The following NRXN1 variants were observed in gnomAD, a reference collection of about 807,000 sequenced individuals.
NRXN1 encodes neurexin-1.
NRXN1 carries 39 observed loss-of-function variants against 150.9 expected under a neutral mutation model. The ratio of observed to expected loss-of-function variants is 0.26; its 90% CI spans 0.20 to 0.34. The LOEUF (loss-of-function observed/expected upper bound fraction) is 0.34. NRXN1 is among the 10% of genes least tolerant of loss of function. The pLI, the probability that NRXN1 is intolerant of heterozygous loss-of-function variation, is 1.00. For synonymous variants in NRXN1, 924 were observed against 757.0 expected (o/e 1.22, Z -3.62); for missense variants, 1,815 against 1,949.9 (o/e 0.93, Z 1.30).
chr2:50,531,480 A>G (rs779623479), intron 10 of NRXN1, 50 bp from the exon 11 acceptor site: 1 of 1,377,780 alleles, frequency 7.3e-7, no homozygotes, highest in East Asian at 2.4e-5. Context: ...ATAGCGCATT[A>G]ATACTTTAAA....
intron 8 of NRXN1, among the ~76,000 whole-genome samples, chr2:50,590,729 G>A (rs1439322802): frequency 2.6e-5 from 4 of 152,236 alleles, no homozygotes; most frequent in East Asian, 3.9e-4. Context: ...GAAGATGGAC[G>A]ATCATGAATC....
intron 17 of NRXN1, among the ~76,000 whole-genome samples, chr2:50,278,264 T>TAA (rs1553368503): frequency 3.0e-5 from 2 of 66,246 alleles, no homozygotes; most frequent in African/African-American, 5.7e-5. Context: ...ATTATATATA[T>TAA]TATATATGTA....
At chr2:50,979,582 T>A (rs1696460819) in intron 2 of NRXN1, among the ~76,000 whole-genome samples, 1 of 152,140 alleles carries the variant, frequency 6.6e-6, no homozygotes, top group Admixed American at 6.6e-5. Context: ...TTCACCTGAA[T>A]TTTTAAAAAT....
chr2:50,227,363 C>T (rs953837087), intron 18 of NRXN1, among the ~76,000 whole-genome samples: 4 of 151,964 alleles, frequency 2.6e-5, no homozygotes, highest in Non-Finnish European at 5.9e-5. Context: ...TTCAAATTGA[C>T]AACTGAACAG....
intron 18 of NRXN1, among the ~76,000 whole-genome samples, chr2:50,184,115 G>C (rs1253760306): frequency 6.6e-6 from 1 of 151,970 alleles, no homozygotes; most frequent in African/African-American, 2.4e-5. Context: ...AGATGCATTA[G>C]CTAATATTCT....
chr2:50,282,421 A>G (rs991180036), intron 17 of NRXN1, among the ~76,000 whole-genome samples: 1 of 152,184 alleles, frequency 6.6e-6, no homozygotes, highest in Admixed American at 6.5e-5. Flanking sequence ...ACTTAAATAC[A>G]AATCTTTTTC....
intron 8 of NRXN1, among the ~76,000 whole-genome samples, chr2:50,579,662 A>AAT (rs960690435): frequency 6.6e-6 from 1 of 152,168 alleles, no homozygotes; most frequent in African/African-American, 2.4e-5. Flanking sequence ...AAAATAAAAA[A>AAT]ATATATATAT....
At chr2:50,692,983 T>C (rs1692285626) in intron 5 of NRXN1, among the ~76,000 whole-genome samples, 1 of 152,166 alleles carries the variant, frequency 6.6e-6, no homozygotes, top group Non-Finnish European at 1.5e-5. Flanking sequence ...TGAGAAGAGC[T>C]AAATTATCAG....
At chr2:50,975,921 T>C (rs926803430) in intron 2 of NRXN1, among the ~76,000 whole-genome samples, 4 of 152,066 alleles carry the variant, frequency 2.6e-5, no homozygotes, top group East Asian at 1.9e-4. Context: ...TGCTCACTGT[T>C]AGGAAGGCAA....
At chr2:50,366,520 G>T (rs1476294195) in intron 17 of NRXN1, among the ~76,000 whole-genome samples, 1 of 151,912 alleles carries the variant, frequency 6.6e-6, no homozygotes. Context: ...GGATGAGGGG[G>T]AAGTGCACAG....
chr2:50,619,978 T>G, intron 8 of NRXN1, 44 bp downstream of exon 8: 8 of 1,488,904 alleles, frequency 5.4e-6, no homozygotes, highest in Non-Finnish European at 7.2e-6. Context: ...TCTGAAATGA[T>G]GAGACCATGA....
intron 21 of NRXN1, among the ~76,000 whole-genome samples, chr2:49,994,968 G>T (rs1682685659): frequency 6.6e-6 from 1 of 152,116 alleles, no homozygotes; most frequent in Non-Finnish European, 1.5e-5. Flanking sequence ...TGACAATTTA[G>T]GTGTAGTTCT....
chr2:50,370,664 T>C (rs1308828121), intron 17 of NRXN1, among the ~76,000 whole-genome samples: 1 of 151,986 alleles, frequency 6.6e-6, no homozygotes, highest in Non-Finnish European at 1.5e-5. Flanking sequence ...AAATAATTGT[T>C]TATGTTAAGG....
At chr2:50,558,655 G>A (rs1375942350) in intron 8 of NRXN1, among the ~76,000 whole-genome samples, 4 of 152,142 alleles carry the variant, frequency 2.6e-5, no homozygotes, top group African/African-American at 4.8e-5. Context: ...TGTAACAAAC[G>A]TTATCTTAAA....
At chr2:50,069,402 C>T (rs887807597) in intron 19 of NRXN1, among the ~76,000 whole-genome samples, 8 of 152,202 alleles carry the variant, frequency 5.3e-5, no homozygotes, top group Admixed American at 3.3e-4. Flanking sequence ...GTTGTAAAGA[C>T]AAGCATTAGG....
chr2:50,353,597 T>C (rs1374820721), intron 17 of NRXN1, among the ~76,000 whole-genome samples: 2 of 152,196 alleles, frequency 1.3e-5, no homozygotes, highest in Non-Finnish European at 2.9e-5. Flanking sequence ...TGGAACCATT[T>C]CTAAAATCTA....
intron 2 of NRXN1, among the ~76,000 whole-genome samples, chr2:51,020,044 T>G (rs1415639071): frequency 1.3e-5 from 2 of 151,862 alleles, no homozygotes; most frequent in Non-Finnish European, 2.9e-5. Flanking sequence ...AGCATTTCTG[T>G]TTTAATTTGA....
chr2:51,019,700 G>T (rs925186920), intron 2 of NRXN1, among the ~76,000 whole-genome samples: 2 of 151,962 alleles, frequency 1.3e-5, no homozygotes, highest in Non-Finnish European at 2.9e-5. Flanking sequence ...TGTTCTAATT[G>T]GAAAACTTAC....
At chr2:50,517,716 T>G (rs2092669943) in intron 12 of NRXN1, among the ~76,000 whole-genome samples, 2 of 152,200 alleles carry the variant, frequency 1.3e-5, no homozygotes, top group East Asian at 1.9e-4. Context: ...AGTGAATAAC[T>G]TCCGAGTCCA....
Sources: allele counts gnomAD v4.1 joint callset (sites outside exome capture counted in the v4.1 genomes callset), GRCh38; gene constraint gnomAD v4.1.1; transcripts MANE v1.5; gene names NCBI Gene and HGNC (gene_info 2026-07-23, HGNC 2026-07-21).